Variants in DST observed in about 807,000 individuals in gnomAD.
DST encodes bullous pemphigoid antigen.
Under a neutral mutation model 875.2 loss-of-function variants are expected in DST, and 253 were observed. That is an observed-to-expected ratio of 0.29 (90% CI 0.26 to 0.32). DST has a LOEUF of 0.32. DST is among the 10% of genes least tolerant of loss of function. The probability of loss-of-function intolerance (pLI) is 1.00; values close to 1 mark genes in which losing one functional copy is unlikely to be tolerated. For synonymous variants in DST, 3,124 were observed against 3,197.1 expected (o/e 0.98, Z 0.77); for missense variants, 8,287 against 9,111.6 (o/e 0.91, Z 3.68).
intron 2 of DST, among the ~76,000 whole-genome samples, chr6:56,918,736 A>T (rs1429827045): frequency 6.6e-6 from 1 of 152,148 alleles, no homozygotes; most frequent in African/African-American, 2.4e-5. Flanking sequence ...TCTGTTGCCT[A>T]TGTGATGGAC....
Position 56,699,667 on chromosome 6 carries a change from T to C in DST, c.1033A>G (p.Ile345Val). 1.3e-6 allele frequency: 2 copies of C among 1,525,504 alleles called. No individual in the cohort carries two copies. The highest frequency in any genetic ancestry group is 8.8e-7 in the Non-Finnish European group (1 of 1,137,944). 94.5% of individuals were successfully genotyped at this position (1,525,504 alleles called of 1,614,324 possible). ...KLTLGLIWTIILHFQISDIHV... is the reference protein window; with the variant it reads ...KLTLGLIWTIVLHFQISDIHV... The stretch of plus-strand genomic sequence containing the variant: ...TTTGGGCTTACCTGAAAGTGCAAAA[T>C]TATTGTCCAGATTAATCCCAAAGTC... Residue 345 changes from isoleucine to valine, a missense_variant, in exon 9 of 104, where the codon ATT (isoleucine) becomes GTT (valine). Ile to Val is a conservative substitution (Grantham distance 29). Around this residue, in one of 10 missense-constraint regions of DST, gnomAD observed 1,160 missense variants for 1,424.3 expected, o/e 0.81. Coordinates refer to ENST00000680361, the MANE Select transcript of DST (RefSeq NM_001374736.1).
At position 56,553,350 on chromosome 6, in the gene DST, C is replaced by G; in HGVS notation, c.15442G>C (p.Asp5148His). The change falls in exon 61 of 104, where the codon GAT (aspartate) becomes CAT (histidine). Residue 5148 changes from aspartate (D) to histidine (H), a missense_variant. Asp to His is a moderately conservative substitution (Grantham distance 81). Coordinates refer to ENST00000680361, the MANE Select transcript of DST (RefSeq NM_001374736.1). ...LQLNTIKTNW[D>H]TFNKQVKERE... is the part of the protein sequence containing the mutation. ...TCTTTCACCTGCTTATTAAATGTATCCCAATTGGTTTTAATTGTATTAAGC... is the reference window on the plus strand; with the variant it reads ...TCTTTCACCTGCTTATTAAATGTATGCCAATTGGTTTTAATTGTATTAAGC... 1 of 1,610,462 alleles carries G rather than the reference C, an allele frequency of 6.2e-7. No homozygotes were observed. The highest frequency in any genetic ancestry group is 1.1e-5 in the South Asian group (1 of 90,076).
intron 9 of DST, among the ~76,000 whole-genome samples, chr6:56,696,391 A>G (rs1293376536): frequency 6.6e-6 from 1 of 152,018 alleles, no homozygotes; most frequent in South Asian, 2.1e-4. Flanking sequence ...TGAACTCCCA[A>G]CCTCAGGTGA....
At position 56,663,653 on chromosome 6, in the gene DST, C is replaced by CA. The variant is rs371934913; in HGVS notation, c.1214+6987dup. ...CCGGCCTCCAGGTCATGCTATTAAA[C>CA]AAGATGACTCTGACCACAGCTTTAC... On this transcript the variant is annotated intron_variant, in intron 10 of 103. Coordinates refer to ENST00000680361, the MANE Select transcript of DST (RefSeq NM_001374736.1). 3.5e-3 allele frequency among the ~76,000 whole-genome samples: 530 copies of CA among 152,376 alleles called. 6 individuals are homozygous for CA. The highest frequency in any genetic ancestry group is 0.012 in the African/African-American group (514 of 41,590).
intron 9 of DST, among the ~76,000 whole-genome samples, chr6:56,685,689 T>C (rs765601408): frequency 5.9e-5 from 9 of 151,980 alleles, no homozygotes; most frequent in Non-Finnish European, 1.0e-4. Flanking sequence ...GGAGAATCAC[T>C]TGAAGAGCAG....
At chr6:56,832,783 A>G (rs1399321265) in intron 4 of DST, among the ~76,000 whole-genome samples, 1 of 152,156 alleles carries the variant, frequency 6.6e-6, no homozygotes, top group Non-Finnish European at 1.5e-5. Context: ...CTTATCGCCC[A>G]GGCTGGAGTG....
At chr6:56,864,677 G>A (rs1185570175) in intron 3 of DST, among the ~76,000 whole-genome samples, 2 of 152,020 alleles carry the variant, frequency 1.3e-5, no homozygotes, top group Non-Finnish European at 2.9e-5. Context: ...ATGAAATAAT[G>A]TATGTAAATC....
chr6:56,537,630 T>A (rs1285838439), intron 61 of DST, among the ~76,000 whole-genome samples: 1 of 152,182 alleles, frequency 6.6e-6, no homozygotes, highest in Non-Finnish European at 1.5e-5. Flanking sequence ...TCTGATCACA[T>A]ACCTTACCAG....
At chr6:56,898,693 T>A (rs1172296254) in intron 3 of DST, among the ~76,000 whole-genome samples, 2 of 152,192 alleles carry the variant, frequency 1.3e-5, no homozygotes, top group Non-Finnish European at 2.9e-5. Context: ...TGCCATACCC[T>A]CCCACATCTC....
rs184827565 is a variant in DST at position 56,620,451 on chromosome 6, G to T, written c.4929+4079C>A. 6.2e-6 allele frequency: 10 copies of T among 1,614,134 alleles called. No individual in the cohort carries two copies. In the African/African-American group the frequency reaches 9.3e-5, roughly 15 times the overall value. On this transcript the variant is annotated intron_variant, in intron 36 of 103. Coordinates refer to ENST00000680361, the MANE Select transcript of DST (RefSeq NM_001374736.1). Reference sequence around the variant, plus strand: ...ATGGTTTCAAGTTCCCTGCGGTACTGCTTGGCTTCACTTTCAGCCCTTATC... The same window carrying T: ...ATGGTTTCAAGTTCCCTGCGGTACTTCTTGGCTTCACTTTCAGCCCTTATC...
chr6:56,618,647 C>T (rs534081829), intron 36 of DST: 1 of 1,614,120 alleles, frequency 6.2e-7, no homozygotes, highest in South Asian at 1.1e-5. Flanking sequence ...GTTTGTTTCA[C>T]AAAGCTTAGC....
chr6:56,682,336 C>T (rs1563653626), intron 9 of DST, among the ~76,000 whole-genome samples: 1 of 152,108 alleles, frequency 6.6e-6, no homozygotes. Flanking sequence ...CCGTACCTGG[C>T]TTATTTTACC....
At chr6:56,657,296 T>C (rs1414700374) in intron 10 of DST, among the ~76,000 whole-genome samples, 1 of 152,124 alleles carries the variant, frequency 6.6e-6, no homozygotes, top group African/African-American at 2.4e-5. Flanking sequence ...TTTATTTTTA[T>C]TAAATATACA....
chr6:56,751,939 T>A (rs550171778), intron 4 of DST, among the ~76,000 whole-genome samples: 2 of 152,260 alleles, frequency 1.3e-5, no homozygotes, highest in East Asian at 3.9e-4. Flanking sequence ...TTACTAAAAA[T>A]GTAGAAACTC....
chr6:56,666,900 A>G (rs1465864156), intron 10 of DST, among the ~76,000 whole-genome samples: 1 of 152,062 alleles, frequency 6.6e-6, no homozygotes, highest in Non-Finnish European at 1.5e-5. Context: ...GGTAACGTTT[A>G]GGACCCTTTT....
Position 56,497,499 on chromosome 6 carries a change from C to T in DST, c.20103G>A (p.Gly6701=). Residue 6701 remains glycine, a synonymous_variant, in exon 82 of 104, where the codon GGG becomes GGA. Coordinates refer to ENST00000680361, the MANE Select transcript of DST (RefSeq NM_001374736.1). ...QLDGALRQAK[G]FHGEIEDLQQ... ...GCAAATCCTCAATTTCGCCATGGAA[C>T]CCTTTGGCCTGAAGTAATAGGCAGT... 6.2e-7 allele frequency: 1 copy of T among 1,612,728 alleles called. No homozygotes were observed. The highest frequency in any genetic ancestry group is 8.5e-7 in the Non-Finnish European group (1 of 1,179,294).
chr6:56,671,220 AC>A (rs1437473856), intron 9 of DST, among the ~76,000 whole-genome samples: 1 of 152,094 alleles, frequency 6.6e-6, no homozygotes, highest in African/African-American at 2.4e-5. Flanking sequence ...CTAAACCAAA[AC>A]TCTACAGTAT....
Position 56,458,865 on chromosome 6 carries a change from A to T in DST, c.*140T>A. 1.1e-6 allele frequency: 1 copy of T among 896,692 alleles called. No homozygotes were observed. 55.5% of individuals were successfully genotyped at this position (896,692 alleles called of 1,614,324 possible). ...AAAATTATACAGATAAAATAAAAAG[A>T]CAAATACACAAATAAGGCCATCTGC... is the stretch of plus-strand genomic sequence containing the variant. On this transcript the variant is annotated 3_prime_UTR_variant, in exon 104 of 104. Coordinates refer to ENST00000680361, the MANE Select transcript of DST (RefSeq NM_001374736.1).
intron 4 of DST, among the ~76,000 whole-genome samples, chr6:56,740,732 A>G (rs1454396499): frequency 6.6e-6 from 1 of 152,216 alleles, no homozygotes; most frequent in African/African-American, 2.4e-5. Flanking sequence ...GATTGCAAAC[A>G]ATGGAAGTTC....
Sources: gnomAD v4.1 joint callset for allele counts (sites outside exome capture counted in the v4.1 genomes callset) on GRCh38, gnomAD v4.1.1 for gene constraint, gnomAD v4.1.1 regional missense constraint, MANE v1.5 for transcripts, NCBI Gene and HGNC (gene_info 2026-07-23, HGNC 2026-07-21) for gene names.